Variants in ROBO2 observed in about 807,000 individuals in gnomAD.
The protein encoded by ROBO2 is roundabout homolog 2.
A neutral mutation model predicts 160.8 loss-of-function variants in ROBO2; 53 were observed. The observed-to-expected ratio is 0.33, with a 90% confidence interval of 0.26 to 0.41. ROBO2 has a LOEUF of 0.41. ROBO2 is among the 10% of genes least tolerant of loss of function. ROBO2 has a pLI of 1.00. For synonymous variants in ROBO2, 664 were observed against 611.7 expected (o/e 1.09, Z -1.26); for missense variants, 1,577 against 1,722.4 (o/e 0.92, Z 1.49).
At chr3:76,009,884 G>T (rs1205277670) in intron 2 of ROBO2, among the ~76,000 whole-genome samples, 1 of 152,026 alleles carries the variant, frequency 6.6e-6, no homozygotes, top group African/African-American at 2.4e-5. Context: ...TTTTTCACTT[G>T]AGTTATTTGT....
chr3:77,627,790 A>G (rs1171465506), intron 23 of ROBO2, among the ~76,000 whole-genome samples: 1 of 152,254 alleles, frequency 6.6e-6, no homozygotes, highest in African/African-American at 2.4e-5. Context: ...ATTGGTTGAA[A>G]AAATGGAGAA....
intron 2 of ROBO2, among the ~76,000 whole-genome samples, chr3:76,635,083 C>T (rs1446834156): frequency 2.0e-5 from 3 of 152,168 alleles, no homozygotes; most frequent in Non-Finnish European, 4.4e-5. Context: ...TCCCTAGCGC[C>T]AAAATGTCGG....
intron 2 of ROBO2, among the ~76,000 whole-genome samples, chr3:77,004,742 T>G (rs2149434680): frequency 6.6e-6 from 1 of 152,322 alleles, no homozygotes; most frequent in South Asian, 2.1e-4. Flanking sequence ...CAAATATTTT[T>G]CAGACAGTTT....
chr3:76,766,169 C>T (rs1403783356), intron 2 of ROBO2, among the ~76,000 whole-genome samples: 1 of 151,570 alleles, frequency 6.6e-6, no homozygotes, highest in Admixed American at 6.6e-5. Flanking sequence ...GCACTTGAAC[C>T]CAAGACTTAC....
intron 2 of ROBO2, among the ~76,000 whole-genome samples, chr3:76,536,034 C>G (rs1359222062): frequency 6.6e-6 from 1 of 152,092 alleles, no homozygotes; most frequent in Non-Finnish European, 1.5e-5. Flanking sequence ...GGGTCCTGCA[C>G]AGGTGGGACA....
At chr3:77,020,513 G>GA (rs2062562828) in intron 2 of ROBO2, among the ~76,000 whole-genome samples, 1 of 151,994 alleles carries the variant, frequency 6.6e-6, no homozygotes, top group Admixed American at 6.5e-5. Context: ...ATGACTCTTA[G>GA]AAAAAAATGT....
chr3:77,485,708 G>T (rs1280260751), intron 4 of ROBO2, among the ~76,000 whole-genome samples: 1 of 151,904 alleles, frequency 6.6e-6, no homozygotes, highest in Admixed American at 6.6e-5. Flanking sequence ...TCCTGTTCTT[G>T]TTTCATGGGT....
At chr3:77,155,534 A>T (rs1229660119) in intron 2 of ROBO2, among the ~76,000 whole-genome samples, 1 of 152,040 alleles carries the variant, frequency 6.6e-6, no homozygotes, top group African/African-American at 2.4e-5. Context: ...CCCCGTAAAC[A>T]ACATGATCTT....
chr3:76,805,322 T>A (rs569836877), intron 2 of ROBO2, among the ~76,000 whole-genome samples: 1 of 152,182 alleles, frequency 6.6e-6, no homozygotes, highest in South Asian at 2.1e-4. Context: ...GCTGGGAATA[T>A]CTACTTTTCT....
intron 2 of ROBO2, among the ~76,000 whole-genome samples, chr3:76,430,323 G>GGTCCTT (rs1039715528): frequency 3.8e-4 from 58 of 152,070 alleles, no homozygotes; most frequent in African/African-American, 1.4e-3. Flanking sequence ...AAAATAATTT[G>GGTCCTT]GTCCTTTCAG....
intron 2 of ROBO2, among the ~76,000 whole-genome samples, chr3:76,640,306 G>A (rs905183580): frequency 2.0e-4 from 30 of 152,278 alleles, no homozygotes; most frequent in African/African-American, 6.5e-4. Context: ...CTAGGGGAGC[G>A]GATTGCCTGA....
chr3:76,357,313 A>C (rs887651065), intron 2 of ROBO2, among the ~76,000 whole-genome samples: 2 of 151,976 alleles, frequency 1.3e-5, no homozygotes, highest in African/African-American at 4.8e-5. Flanking sequence ...ACACAAAGGC[A>C]GGATAAATGA....
intron 2 of ROBO2, among the ~76,000 whole-genome samples, chr3:75,992,082 G>A (rs879566902): frequency 3.3e-5 from 5 of 152,174 alleles, no homozygotes; most frequent in Admixed American, 1.3e-4. Flanking sequence ...AAAATTTGCA[G>A]CCTGTGAATG....
chr3:76,381,488 T>C (rs914059822), intron 2 of ROBO2, among the ~76,000 whole-genome samples: 3 of 152,066 alleles, frequency 2.0e-5, no homozygotes, highest in Admixed American at 2.0e-4. Flanking sequence ...TAGCTGGGAC[T>C]ACAGACACGT....
At chr3:77,173,111 C>T (rs1425581072) in intron 2 of ROBO2, among the ~76,000 whole-genome samples, 1 of 152,100 alleles carries the variant, frequency 6.6e-6, no homozygotes, top group Non-Finnish European at 1.5e-5. Context: ...ATTTAGAAAG[C>T]ATTGACCCAA....
intron 2 of ROBO2, among the ~76,000 whole-genome samples, chr3:77,368,771 C>A (rs1023075287): frequency 1.2e-4 from 19 of 152,100 alleles, no homozygotes; most frequent in African/African-American, 4.6e-4. Flanking sequence ...GAAAATTATT[C>A]TTTCCTTCCT....
At chr3:76,469,207 G>A (rs2078520447) in intron 2 of ROBO2, among the ~76,000 whole-genome samples, 1 of 151,964 alleles carries the variant, frequency 6.6e-6, no homozygotes, top group Non-Finnish European at 1.5e-5. Flanking sequence ...AGTTGAAGAT[G>A]ACAATGACGA....
At chr3:75,957,482 T>C (rs1189315635) in intron 2 of ROBO2, among the ~76,000 whole-genome samples, 1 of 151,552 alleles carries the variant, frequency 6.6e-6, no homozygotes, top group Non-Finnish European at 1.5e-5. Context: ...TCTACATAAG[T>C]TCCCGCATAT....
chr3:75,927,785 A>T (rs1030857697), intron 1 of ROBO2, among the ~76,000 whole-genome samples: 12 of 152,210 alleles, frequency 7.9e-5, no homozygotes, highest in African/African-American at 2.9e-4. Context: ...TAAACAAGGA[A>T]CACTCTGTAT....
Sources: allele counts gnomAD v4.1 joint callset (sites outside exome capture counted in the v4.1 genomes callset), GRCh38; gene constraint gnomAD v4.1.1; transcripts MANE v1.5; gene names NCBI Gene and HGNC (gene_info 2026-07-23, HGNC 2026-07-21).